The following POFUT3 variants were observed in gnomAD, a reference collection of about 807,000 sequenced individuals.
POFUT3 encodes protein O-fucosyltransferase 3.
At chr8:33,472,045 G>A in the POFUT3 span, among the ~76,000 whole-genome samples, 1 of 152,172 alleles carries the variant, frequency 6.6e-6, no homozygotes, top group Non-Finnish European at 1.5e-5. Flanking sequence ...AGACCAGGGA[G>A]AAACCCTGCC....
chr8:33,393,612 G>A, the POFUT3 span, among the ~76,000 whole-genome samples: 1 of 152,284 alleles, frequency 6.6e-6, no homozygotes, highest in African/African-American at 2.4e-5. Context: ...GAAAACAGAA[G>A]GCAACATACA....
chr8:33,328,418 A>G, the POFUT3 span, among the ~76,000 whole-genome samples: 1 of 152,012 alleles, frequency 6.6e-6, no homozygotes, highest in African/African-American at 2.4e-5. Flanking sequence ...CTTTTTCAAA[A>G]TTCCCCAAGT....
At chr8:33,372,274 GA>G in the POFUT3 span, 17,790 of 1,097,318 alleles carry the variant, frequency 0.016, 484 homozygotes, top group East Asian at 0.11. Context: ...ATTGCACAAG[GA>G]AAGTACTCAC....
chr8:33,344,589 G>T, the POFUT3 span, among the ~76,000 whole-genome samples: 10 of 152,314 alleles, frequency 6.6e-5, no homozygotes, highest in South Asian at 2.1e-3. Context: ...CTAATTGGAT[G>T]AAAACGGAAA....
the POFUT3 span, among the ~76,000 whole-genome samples, chr8:33,422,280 C>T: frequency 4.0e-5 from 6 of 151,472 alleles, no homozygotes; most frequent in Non-Finnish European, 7.4e-5. Context: ...CGGTGGTTCC[C>T]GCCTGTAATC....
the POFUT3 span, among the ~76,000 whole-genome samples, chr8:33,398,162 A>G: frequency 6.6e-6 from 1 of 152,222 alleles, no homozygotes; most frequent in Non-Finnish European, 1.5e-5. Flanking sequence ...AGTACACAGA[A>G]AACCCAGCAA....
chr8:33,464,293 G>T, the POFUT3 span, among the ~76,000 whole-genome samples: 5 of 152,238 alleles, frequency 3.3e-5, no homozygotes, highest in African/African-American at 1.2e-4. Context: ...AAGAAAAGGA[G>T]ATTGCTAATA....
chr8:33,346,509 T>C, the POFUT3 span, among the ~76,000 whole-genome samples: 1 of 152,220 alleles, frequency 6.6e-6, no homozygotes. Context: ...TTGGAATCAT[T>C]CTGTTTCTTT....
chr8:33,342,877 G>A, the POFUT3 span, among the ~76,000 whole-genome samples: 38 of 152,186 alleles, frequency 2.5e-4, no homozygotes, highest in South Asian at 2.1e-4. Flanking sequence ...ATGCCGAGGC[G>A]GGCAGATCAC....
At chr8:33,423,818 T>TTAA in the POFUT3 span, among the ~76,000 whole-genome samples, 2 of 70,136 alleles carry the variant, frequency 2.9e-5, no homozygotes, top group East Asian at 5.5e-4. Flanking sequence ...GCACACCAAG[T>TTAA]AAAAAAAAAA....
the POFUT3 span, chr8:33,389,189 T>A: frequency 6.2e-7 from 1 of 1,614,068 alleles, no homozygotes; most frequent in Non-Finnish European, 8.5e-7. Context: ...TTCCCTGGGG[T>A]GAGAAAATTC....
the POFUT3 span, among the ~76,000 whole-genome samples, chr8:33,410,568 G>A: frequency 6.6e-6 from 1 of 152,100 alleles, no homozygotes; most frequent in African/African-American, 2.4e-5. Flanking sequence ...AAAGCCAGAA[G>A]TCTCCCACTC....
chr8:33,381,799 T>G, the POFUT3 span, among the ~76,000 whole-genome samples: 1 of 152,172 alleles, frequency 6.6e-6, no homozygotes, highest in Non-Finnish European at 1.5e-5. Flanking sequence ...TTGTAGAAGC[T>G]TTACCAAAAG....
the POFUT3 span, among the ~76,000 whole-genome samples, chr8:33,342,761 TA>T: frequency 1.3e-4 from 20 of 152,262 alleles, no homozygotes; most frequent in African/African-American, 4.8e-4. Context: ...CTTTAAAAAC[TA>T]AATGTGCAGT....
At chr8:33,445,104 T>C in the POFUT3 span, among the ~76,000 whole-genome samples, 1 of 151,952 alleles carries the variant, frequency 6.6e-6, no homozygotes, top group Non-Finnish European at 1.5e-5. Context: ...CAGCTAATTT[T>C]TGTATTTTCT....
chr8:33,348,489 TG>T, the POFUT3 span, among the ~76,000 whole-genome samples: 8 of 152,300 alleles, frequency 5.3e-5, no homozygotes, highest in East Asian at 1.5e-3. Flanking sequence ...AGTGTATATG[TG>T]TGAGTTAACC....
At chr8:33,382,842 T>C in the POFUT3 span, among the ~76,000 whole-genome samples, 1 of 152,172 alleles carries the variant, frequency 6.6e-6, no homozygotes, top group Non-Finnish European at 1.5e-5. Flanking sequence ...CAACTTCATC[T>C]ATCCCTTGCC....
chr8:33,318,089 T>C, the POFUT3 span, among the ~76,000 whole-genome samples: 13,602 of 152,152 alleles, frequency 0.089, 1,127 homozygotes, highest in African/African-American at 0.21. Context: ...AGTCTTTTGA[T>C]GCTCTGGGCA....
the POFUT3 span, among the ~76,000 whole-genome samples, chr8:33,363,093 T>C: frequency 6.6e-6 from 1 of 151,976 alleles, no homozygotes; most frequent in Admixed American, 6.6e-5. Context: ...TGCAATCAAA[T>C]TAGAACTCAG....
Sources: allele counts gnomAD v4.1 joint callset (sites outside exome capture counted in the v4.1 genomes callset), GRCh38; gene constraint gnomAD v4.1.1; transcripts MANE v1.5; gene names NCBI Gene and HGNC (gene_info 2026-07-23, HGNC 2026-07-21).